The following PASD1 variants were observed in gnomAD, a reference collection of about 807,000 sequenced individuals.
PASD1 encodes circadian clock protein PASD1.
PASD1 carries 13 observed loss-of-function variants against 58.8 expected under a neutral mutation model. The ratio of observed to expected loss-of-function variants is 0.22; its 90% CI spans 0.14 to 0.35. The LOEUF (loss-of-function observed/expected upper bound fraction) is 0.35. Among genes scored for constraint, PASD1 ranks in the 10% least tolerant of loss-of-function variants. PASD1 has a pLI of 1.00. For missense variants in PASD1, 734 were observed against 568.3 expected, an observed-to-expected ratio of 1.29 and a Z score of -2.96; for synonymous variants, 236 against 216.7, an observed-to-expected ratio of 1.09 and a Z score of -0.78.
In PASD1 at chrX:151,672,528, G is replaced by C; in HGVS notation, c.1783G>C (p.Val595Leu). The change falls in exon 14 of 16, where the codon GTG (valine) becomes CTG (leucine). Residue 595 changes from valine (V) to leucine (L), a missense_variant. By Grantham distance (32) the Val-to-Leu change is conservative. Coordinates refer to ENST00000370357, the MANE Select transcript of PASD1 (RefSeq NM_173493.3). ...CCTGCAAAACCCACGTGACGTATCTGTGCCCCTCTGCAATCACCCTGTTAG... is the reference window on the plus strand; with the variant it reads ...CCTGCAAAACCCACGTGACGTATCTCTGCCCCTCTGCAATCACCCTGTTAG... ...ICLQNPRDVS[V>L]PLCNHPVRFL... The C allele has an allele frequency of 8.3e-7, 1 of 1,211,922 alleles. No individual in the cohort carries two copies. Among genetic ancestry groups the C allele is most frequent in the Non-Finnish European group, 1.1e-6 (1 of 895,588 alleles).
At chrX:151,650,084 T>C (rs1373114660) in intron 9 of PASD1, among the ~76,000 whole-genome samples, 2 of 112,100 alleles carry the variant, frequency 1.8e-5, no homozygotes, top group African/African-American at 6.5e-5. Context: ...GGTAGAAGAA[T>C]GCTAATTTAG....
chrX:151,588,107 G>A (rs1467464430), intron 1 of PASD1, among the ~76,000 whole-genome samples: 1 of 111,609 alleles, frequency 9.0e-6, no homozygotes, highest in African/African-American at 3.3e-5. Flanking sequence ...GATGAAATGT[G>A]CCATAATGCA....
At position 151,587,539 on chromosome X, in the gene PASD1, A is replaced by ATGTGTGTATG. The variant is rs371089743; in HGVS notation, c.-27-13980_-27-13971dup. ...GACTGGGCATTTTTCCTATGCAGGT[A>ATGTGTGTATG]TGTGTGTATGTGTGTGTGCGTGCTT... is the stretch of plus-strand genomic sequence containing the variant. On this transcript the variant is annotated intron_variant, in intron 1 of 15. Transcript: ENST00000370357. 4.0e-3 allele frequency among the ~76,000 whole-genome samples: 443 copies of ATGTGTGTATG among 111,403 alleles called. 2 individuals are homozygous for ATGTGTGTATG. Among genetic ancestry groups the ATGTGTGTATG allele is most frequent in the African/African-American group, 0.014 (418 of 30,706 alleles).
In PASD1 at chrX:151,623,185, G is replaced by A. The variant is rs1479871756; in HGVS notation, c.546+121G>A. 6.3e-6 allele frequency: 5 copies of A among 788,527 alleles called. No individual in the cohort carries two copies. The Admixed American group carries it at 1.1e-4, about 18-fold the overall frequency. The allele number at this position is 788,527 out of a possible 1,213,427, so 65.0% of individuals were successfully genotyped here. The stretch of plus-strand genomic sequence containing the variant: ...TGCTAAATTACTCAGTGTGTGCAGA[G>A]GGTTGTGCTGGGATATGTAAATAAG... On this transcript the variant is annotated intron_variant, in intron 7 of 15. Coordinates refer to ENST00000370357, the MANE Select transcript of PASD1 (RefSeq NM_173493.3).
chrX:151,651,153 T>A (rs753447119), intron 9 of PASD1, among the ~76,000 whole-genome samples: 63 of 111,745 alleles, frequency 5.6e-4, no homozygotes, highest in Admixed American at 9.5e-4. Flanking sequence ...CACAAGACAT[T>A]AAGTGAGAGT....
chrX:151,626,974 G>C (rs780207245), intron 8 of PASD1, among the ~76,000 whole-genome samples: 2 of 111,811 alleles, frequency 1.8e-5, no homozygotes, highest in African/African-American at 6.5e-5. Context: ...ACACAGAGCA[G>C]TGGGATGAGA....
intron 1 of PASD1, among the ~76,000 whole-genome samples, chrX:151,585,176 G>T (rs916310606): frequency 2.8e-4 from 31 of 111,680 alleles, no homozygotes; most frequent in African/African-American, 9.4e-4. Flanking sequence ...AGTGGCATAG[G>T]TATATAAGGA....
At position 151,622,586 on chromosome X, in the gene PASD1, TAC is replaced by T. The variant is rs202044764; in HGVS notation, c.419-320_419-319del. Among the ~76,000 whole-genome samples the T allele has an allele frequency of 6.7e-3, 646 of 96,634 alleles. 6 individuals carry two copies. Among genetic ancestry groups the T allele is most frequent in the African/African-American group, 0.01 (273 of 26,609 alleles). 83.9% of individuals were successfully genotyped at this position (96,634 alleles called of 115,157 possible). A position where few individuals can be genotyped will look rare whatever the true frequency, so the allele number is the denominator to read the frequency against. On this transcript the variant is annotated intron_variant, in intron 6 of 15. Coordinates refer to ENST00000370357, the MANE Select transcript of PASD1 (RefSeq NM_173493.3). ...CTTACTTGACTCTGTGTGCACAGAT[TAC>T]ACACACACACACACACACACACACA...
In PASD1 at chrX:151,659,546, A is replaced by C. The variant is rs140069439; in HGVS notation, c.718-167A>C. On this transcript the variant is annotated intron_variant, in intron 9 of 15. Coordinates refer to ENST00000370357, the MANE Select transcript of PASD1 (RefSeq NM_173493.3). Reference sequence around the variant, plus strand: ...TCTCCGCTTGTTATCTTCCAGCAATATTTTTAAGGAGGTATTTGATGATGA... The same window carrying C: ...TCTCCGCTTGTTATCTTCCAGCAATCTTTTTAAGGAGGTATTTGATGATGA... 1.9e-4 allele frequency among the ~76,000 whole-genome samples: 21 copies of C among 111,985 alleles called. No homozygotes were observed. In the East Asian group the frequency reaches 4.2e-3, roughly 22 times the overall value.
At position 151,676,689 on chromosome X, in the gene PASD1, G is replaced by A. The variant is rs1208398570; in HGVS notation, c.*546G>A. 1.8e-5 allele frequency: 2 copies of A among 112,256 alleles called. No individual in the cohort carries two copies. Among genetic ancestry groups the A allele is most frequent in the African/African-American group, 6.5e-5 (2 of 30,788 alleles). The allele number at this position is 112,256 out of a possible 1,213,427, so 9.3% of individuals were successfully genotyped here. ...ATCAACTCAATGGAGGCACTTCAGA[G>A]CTAAAATAATTATGGCTTCCTTGCT... On this transcript the variant is annotated 3_prime_UTR_variant, in exon 16 of 16. Transcript: ENST00000370357.
At chrX:151,637,380 T>C (rs975683542) in intron 8 of PASD1, among the ~76,000 whole-genome samples, 3 of 111,575 alleles carry the variant, frequency 2.7e-5, no homozygotes, top group Non-Finnish European at 5.6e-5. Context: ...GTTTTTTGTT[T>C]GTTTGTTTGT....
intron 10 of PASD1, among the ~76,000 whole-genome samples, chrX:151,663,106 T>C (rs1259503402): frequency 8.9e-6 from 1 of 112,226 alleles, no homozygotes; most frequent in Non-Finnish European, 1.9e-5. Flanking sequence ...TATACAGTTC[T>C]ATGGATTTTG....
At chrX:151,602,449 C>T (rs1479306635) in intron 2 of PASD1, among the ~76,000 whole-genome samples, 1 of 111,281 alleles carries the variant, frequency 9.0e-6, no homozygotes, top group Non-Finnish European at 1.9e-5. Flanking sequence ...CATCTTGGCA[C>T]TTTGGGAGGC....
At chrX:151,658,378 T>C (rs780750113) in intron 9 of PASD1, among the ~76,000 whole-genome samples, 1 of 112,790 alleles carries the variant, frequency 8.9e-6, no homozygotes, top group East Asian at 2.8e-4. Flanking sequence ...TGCTGTCATT[T>C]AAGTTAATTT....
intron 10 of PASD1, among the ~76,000 whole-genome samples, 183 bp downstream of exon 10, chrX:151,660,019 T>C (rs1217319189): frequency 8.9e-6 from 1 of 112,480 alleles, no homozygotes; most frequent in Non-Finnish European, 1.9e-5. Context: ...AAAATGAGTA[T>C]TTCATCACAG....
At chrX:151,581,080 T>C (rs2013083209) in intron 1 of PASD1, among the ~76,000 whole-genome samples, 1 of 108,866 alleles carries the variant, frequency 9.2e-6, no homozygotes, top group Non-Finnish European at 1.9e-5. Flanking sequence ...ATACAAAAAT[T>C]AGCTGGGTGT....
At chrX:151,587,225 CTTTTTTTT>C (rs33922090) in intron 1 of PASD1, among the ~76,000 whole-genome samples, 1 of 82,483 alleles carries the variant, frequency 1.2e-5, no homozygotes, top group African/African-American at 4.4e-5. Flanking sequence ...CTGGGTTTGC[CTTTTTTTT>C]TTTTTTTTTG....
chrX:151,666,069 TCTCAA>T (rs984570625), intron 11 of PASD1, among the ~76,000 whole-genome samples: 4 of 110,199 alleles, frequency 3.6e-5, no homozygotes, highest in African/African-American at 9.9e-5. Flanking sequence ...TCTCTCTCTC[TCTCAA>T]CTCATCTATG....
chrX:151,576,850 GT>G lies in PASD1; in HGVS notation c.-28+13018del, dbSNP rs761321651. Among the ~76,000 whole-genome samples, 74 of 111,866 alleles carry G rather than the reference GT, an allele frequency of 6.6e-4. 1 individual carries two copies. Among genetic ancestry groups the G allele is most frequent in the Non-Finnish European group, 6.2e-4 (33 of 53,188 alleles). On this transcript the variant is annotated intron_variant, in intron 1 of 15. Coordinates refer to ENST00000370357, the MANE Select transcript of PASD1 (RefSeq NM_173493.3). ...ATATTTATTGCCATAAATGTAATTT[GT>G]TTTTTTACATGATTTGCCATAAATG...
Sources: gnomAD v4.1 joint callset for allele counts (sites outside exome capture counted in the v4.1 genomes callset) on GRCh38, gnomAD v4.1.1 for gene constraint, MANE v1.5 for transcripts, NCBI Gene and HGNC (gene_info 2026-07-23, HGNC 2026-07-21) for gene names.